POLA1: variants seen among roughly 807,000 people sequenced by gnomAD.
POLA1 encodes the protein DNA polymerase alpha 1, catalytic subunit.
POLA1 carries 15 observed loss-of-function variants against 124.0 expected under a neutral mutation model. That is an observed-to-expected ratio of 0.12 (90% confidence interval 0.08 to 0.19). POLA1 has a LOEUF of 0.19. Ranked by LOEUF, POLA1 falls within the 10% of genes least tolerant of loss-of-function variation. POLA1 has a pLI of 1.00. For synonymous variants in POLA1, 408 were observed against 389.4 expected, an observed-to-expected ratio of 1.05 and a Z score of -0.56; for missense variants, 886 against 1,103.4, an observed-to-expected ratio of 0.80 and a Z score of 2.79.
At chrX:24,866,835 C>G (rs1448758553) in intron 34 of POLA1, among the ~76,000 whole-genome samples, 1 of 111,663 alleles carries the variant, frequency 9.0e-6, no homozygotes, top group Non-Finnish European at 1.9e-5. Flanking sequence ...TTGAACTTTA[C>G]CAAACTGCTT....
intron 34 of POLA1, among the ~76,000 whole-genome samples, chrX:24,853,405 A>T (rs977923920): frequency 4.5e-5 from 5 of 112,168 alleles, no homozygotes; most frequent in African/African-American, 1.6e-4. Flanking sequence ...TGGTATATTA[A>T]AATCCATTGC....
intron 32 of POLA1, among the ~76,000 whole-genome samples, chrX:24,830,809 T>C (rs1249304364): frequency 8.9e-6 from 1 of 112,419 alleles, no homozygotes; most frequent in African/African-American, 3.2e-5. Context: ...ATTTCATCTT[T>C]GAATAAATTT....
At chrX:24,770,941 A>G (rs1382025942) in intron 26 of POLA1, among the ~76,000 whole-genome samples, 1 of 111,525 alleles carries the variant, frequency 9.0e-6, no homozygotes, top group Non-Finnish European at 1.9e-5. Context: ...CTCACATTCC[A>G]TAACAGTAAC....
intron 32 of POLA1, among the ~76,000 whole-genome samples, chrX:24,833,904 G>A (rs991753355): frequency 1.8e-5 from 2 of 111,209 alleles, no homozygotes; most frequent in African/African-American, 3.3e-5. Context: ...GGGCAACATA[G>A]CAAGACCCCA....
chrX:24,943,575 T>C (rs2047930626), intron 36 of POLA1, among the ~76,000 whole-genome samples: 1 of 112,433 alleles, frequency 8.9e-6, no homozygotes, highest in Admixed American at 9.4e-5. Flanking sequence ...GTCTGAACAG[T>C]AGTCTGTCTT....
chrX:24,763,223 A>G (rs1410885970), intron 26 of POLA1, among the ~76,000 whole-genome samples: 4 of 111,170 alleles, frequency 3.6e-5, no homozygotes, highest in Non-Finnish European at 7.5e-5. Context: ...CAGTCAGTGG[A>G]GGGAGGAGGA....
At chrX:24,711,747 G>A (rs191677136) in intron 4 of POLA1, among the ~76,000 whole-genome samples, 1,128 of 111,275 alleles carry the variant, frequency 0.01, 8 homozygotes, top group Non-Finnish European at 0.015. Flanking sequence ...ACAGGTGCCT[G>A]CCACCACACC....
chrX:24,910,289 T>C (rs952619110), intron 35 of POLA1, among the ~76,000 whole-genome samples: 3 of 106,467 alleles, frequency 2.8e-5, no homozygotes, highest in East Asian at 5.9e-4. Context: ...TGAATAGGAG[T>C]GGTGAGAGAG....
At chrX:24,931,933 C>G (rs1026108324) in intron 36 of POLA1, among the ~76,000 whole-genome samples, 1 of 111,265 alleles carries the variant, frequency 9.0e-6, no homozygotes. Flanking sequence ...GAGTCTTGCT[C>G]TGTTGCCCAG....
chrX:24,879,154 G>T (rs1167085248), intron 34 of POLA1, among the ~76,000 whole-genome samples: 2 of 111,191 alleles, frequency 1.8e-5, no homozygotes, highest in African/African-American at 6.5e-5. Context: ...AGACTTGACA[G>T]GCAGGAATGG....
At chrX:24,798,777 A>G (rs929518337) in intron 26 of POLA1, among the ~76,000 whole-genome samples, 5 of 111,490 alleles carry the variant, frequency 4.5e-5, no homozygotes, top group African/African-American at 1.6e-4. Flanking sequence ...TAACCTCCGC[A>G]TCGTTCAAGG....
chrX:24,990,309 C>T (rs773473202), intron 36 of POLA1, among the ~76,000 whole-genome samples: 1 of 112,163 alleles, frequency 8.9e-6, no homozygotes, highest in Admixed American at 9.4e-5. Context: ...TGATTACTAG[C>T]GCACTGTAAT....
At chrX:24,892,628 GTTA>G (rs749274705) in intron 35 of POLA1, among the ~76,000 whole-genome samples, 7 of 111,737 alleles carry the variant, frequency 6.3e-5, no homozygotes, top group Non-Finnish European at 1.3e-4. Context: ...TTTTGTTGTT[GTTA>G]TTATTATTAA....
chrX:24,949,183 A>G (rs926961031), intron 36 of POLA1, among the ~76,000 whole-genome samples: 1 of 112,360 alleles, frequency 8.9e-6, no homozygotes, highest in African/African-American at 3.2e-5. Flanking sequence ...CAGAGGTCGC[A>G]TAGTAGCAGC....
chrX:24,845,481 A>T (rs1339679517), intron 34 of POLA1, among the ~76,000 whole-genome samples: 1 of 112,164 alleles, frequency 8.9e-6, no homozygotes, highest in Non-Finnish European at 1.9e-5. Flanking sequence ...GCCTCATGCT[A>T]AACAAATATT....
chrX:24,819,834 G>A (rs1006867019), intron 30 of POLA1, among the ~76,000 whole-genome samples: 11 of 110,798 alleles, frequency 9.9e-5, no homozygotes, highest in African/African-American at 3.0e-4. Flanking sequence ...AGACCCCAGT[G>A]TGTGATGTTC....
chrX:24,956,129 T>TA (rs1207854019), intron 36 of POLA1, among the ~76,000 whole-genome samples: 3 of 107,477 alleles, frequency 2.8e-5, no homozygotes, highest in Non-Finnish European at 5.8e-5. Context: ...CCCCACCTCT[T>TA]AAAAAAAATT....
intron 26 of POLA1, among the ~76,000 whole-genome samples, chrX:24,782,533 G>A (rs192492413): frequency 8.8e-4 from 98 of 111,631 alleles, no homozygotes; most frequent in Non-Finnish European, 1.5e-3. Flanking sequence ...CTGAGCTTAG[G>A]TACACACCTG....
chrX:24,713,741 A>G (rs1200858895), intron 4 of POLA1, among the ~76,000 whole-genome samples: 1 of 112,611 alleles, frequency 8.9e-6, no homozygotes, highest in Non-Finnish European at 1.9e-5. Flanking sequence ...TAATGAGCAG[A>G]TGTCTCTGTG....
Sources: allele counts gnomAD v4.1 joint callset (sites outside exome capture counted in the v4.1 genomes callset), GRCh38; gene constraint gnomAD v4.1.1; transcripts MANE v1.5; gene names NCBI Gene and HGNC (gene_info 2026-07-23, HGNC 2026-07-21).